The following LHFPL2 variants were observed in gnomAD, a reference collection of about 807,000 sequenced individuals.
LHFPL2 encodes the protein LHFPL tetraspan subfamily member 2 protein.
A neutral mutation model predicts 17.5 loss-of-function variants in LHFPL2; 7 were observed. The ratio of observed to expected loss-of-function variants is 0.40; its 90% confidence interval spans 0.23 to 0.75. The LOEUF is 0.75. Ranked by LOEUF, LHFPL2 falls within the 30% of genes least tolerant of loss-of-function variation. LHFPL2 has a pLI of 0.37. For missense variants in LHFPL2, 241 were observed against 294.8 expected, an observed-to-expected ratio of 0.82 and a Z score of 1.34; for synonymous variants, 134 against 116.2, an observed-to-expected ratio of 1.15 and a Z score of -0.99.
chr5:78,587,128 T>C (rs933600600), intron 2 of LHFPL2, among the ~76,000 whole-genome samples: 4 of 152,202 alleles, frequency 2.6e-5, no homozygotes, highest in African/African-American at 7.2e-5. Context: ...GCCATATGAA[T>C]TGTAGAAAAA....
intron 4 of LHFPL2, among the ~76,000 whole-genome samples, chr5:78,508,724 G>A (rs7727592): frequency 0.68 from 103,468 of 152,056 alleles, 37,256 homozygotes; most frequent in East Asian, 0.92. Context: ...AGAATCCTGT[G>A]CACACAGCTC....
intron 2 of LHFPL2, among the ~76,000 whole-genome samples, chr5:78,629,784 C>G (rs1745177795): frequency 6.6e-6 from 1 of 152,200 alleles, no homozygotes; most frequent in African/African-American, 2.4e-5. Flanking sequence ...AAATGTCAAC[C>G]CTGGACACAA....
chr5:78,541,130 T>C (rs892947201), intron 3 of LHFPL2, among the ~76,000 whole-genome samples: 1 of 152,138 alleles, frequency 6.6e-6, no homozygotes, highest in Non-Finnish European at 1.5e-5. Context: ...TGTATCACCA[T>C]TGAGTCAGCA....
chr5:78,538,761 G>C (rs959397592), intron 3 of LHFPL2, among the ~76,000 whole-genome samples: 8 of 152,170 alleles, frequency 5.3e-5, no homozygotes, highest in Non-Finnish European at 1.2e-4. Context: ...ATCCCTGTGT[G>C]GGGACAGGAG....
chr5:78,529,642 C>A (rs1183060804), intron 3 of LHFPL2, among the ~76,000 whole-genome samples: 75 of 136,724 alleles, frequency 5.5e-4, no homozygotes, highest in Admixed American at 4.5e-4. Flanking sequence ...GACTCCGTCT[C>A]AAAAAAAAAA....
In LHFPL2 at chr5:78,589,266, C is replaced by T. The variant is rs559868629; in HGVS notation, c.-244-24395G>A. The stretch of plus-strand genomic sequence containing the variant: ...CAGGTGGATCACGAGGTCAGGAGAT[C>T]GAGACCATCCTGGCTAACACAGTGA... On this transcript the variant is annotated intron_variant, in intron 2 of 4. Transcript: ENST00000380345. Among the ~76,000 whole-genome samples the T allele has an allele frequency of 3.6e-4, 54 of 152,110 alleles. 1 individual carries two copies. In the South Asian group the frequency reaches 0.011, roughly 32 times the overall value.
At position 78,648,231 on chromosome 5, in the gene LHFPL2, T is replaced by C. The variant is rs888801494; in HGVS notation, c.-350+268A>G. The stretch of plus-strand genomic sequence containing the variant: ...GGAGACGCTGTTCCCGGCACAACTT[T>C]TTTCCACTTCTGCGGCCGCCGGCGG... On this transcript the variant is annotated intron_variant, in intron 1 of 4. Coordinates refer to ENST00000380345, the MANE Select transcript of LHFPL2 (RefSeq NM_005779.3). The surrounding 1 kb of genome is among the most constrained non-coding windows in gnomAD (Gnocchi z 5.4). Among the ~76,000 whole-genome samples the C allele has an allele frequency of 1.3e-5, 2 of 152,028 alleles. No homozygotes were observed. The highest frequency in any genetic ancestry group is 2.9e-5 in the Non-Finnish European group (2 of 67,968).
intron 3 of LHFPL2, among the ~76,000 whole-genome samples, chr5:78,564,134 TA>T (rs1756799886): frequency 6.6e-6 from 1 of 152,136 alleles, no homozygotes; most frequent in South Asian, 2.1e-4. Context: ...CTCCAGTTTA[TA>T]ATAAGACCTG....
chr5:78,645,249 GT>G (rs1204147962), intron 1 of LHFPL2, among the ~76,000 whole-genome samples: 398 of 145,674 alleles, frequency 2.7e-3, no homozygotes, highest in African/African-American at 7.6e-3. Flanking sequence ...AGGTGTATGG[GT>G]TTTTTTTTTT....
chr5:78,534,631 T>C (rs1237709521), intron 3 of LHFPL2, among the ~76,000 whole-genome samples: 3 of 152,196 alleles, frequency 2.0e-5, no homozygotes, highest in South Asian at 2.1e-4. Flanking sequence ...CTCCTTCCCA[T>C]GTCACTGAAG....
At chr5:78,622,674 C>G (rs1244878513) in intron 2 of LHFPL2, among the ~76,000 whole-genome samples, 1 of 152,188 alleles carries the variant, frequency 6.6e-6, no homozygotes, top group African/African-American at 2.4e-5. Context: ...ACAAGTCTCT[C>G]TAATGTTTCT....
At position 78,509,836 on chromosome 5, in the gene LHFPL2, G is replaced by A. The variant is rs781040969; in HGVS notation, c.378C>T (p.Ser126=). The A allele has an allele frequency of 1.2e-6, 2 of 1,614,140 alleles. No individual in the cohort carries two copies. Among genetic ancestry groups the A allele is most frequent in the Non-Finnish European group, 1.7e-6 (2 of 1,180,032 alleles). ...CATTGAAGATGCTTTTCTTCATGAT[G>A]CTCTGTACACACATGGTGAAGACGG... ...LVSVFTMCVQ[S]IMKKSIFNVC... is the part of the protein sequence containing the mutation. Residue 126 remains serine, a synonymous_variant, in exon 4 of 5, where the codon AGC becomes AGT. Transcript: ENST00000380345.
intron 1 of LHFPL2, among the ~76,000 whole-genome samples, chr5:78,635,375 C>T (rs1172083187): frequency 6.6e-6 from 1 of 152,224 alleles, no homozygotes; most frequent in Non-Finnish European, 1.5e-5. Context: ...CCAACACTCC[C>T]ACCGCCCCCT....
At chr5:78,623,914 C>A (rs1744946037) in intron 2 of LHFPL2, among the ~76,000 whole-genome samples, 1 of 152,164 alleles carries the variant, frequency 6.6e-6, no homozygotes. Flanking sequence ...CAAAAAACAG[C>A]CCCCATGAGA....
At chr5:78,522,661 A>C (rs1755492430) in intron 3 of LHFPL2, among the ~76,000 whole-genome samples, 1 of 152,126 alleles carries the variant, frequency 6.6e-6, no homozygotes, top group Non-Finnish European at 1.5e-5. Context: ...AGTACTGGAC[A>C]ATGGGGGTGG....
At chr5:78,559,353 C>T (rs958017262) in intron 3 of LHFPL2, among the ~76,000 whole-genome samples, 10 of 152,208 alleles carry the variant, frequency 6.6e-5, no homozygotes, top group Admixed American at 2.6e-4. Context: ...TAATGTCAGA[C>T]ATTGCACTGG....
chr5:78,540,763 G>A (rs1199306387), intron 3 of LHFPL2, among the ~76,000 whole-genome samples: 1 of 152,218 alleles, frequency 6.6e-6, no homozygotes, highest in Non-Finnish European at 1.5e-5. Flanking sequence ...CCTCCTTGGG[G>A]CAGACAATGG....
intron 2 of LHFPL2, among the ~76,000 whole-genome samples, chr5:78,579,817 T>C (rs1743031262): frequency 6.6e-6 from 1 of 152,110 alleles, no homozygotes; most frequent in Admixed American, 6.5e-5. Context: ...TGTGCATGTG[T>C]CTTTATAGCA....
chr5:78,617,035 T>C (rs1218287938), intron 2 of LHFPL2, among the ~76,000 whole-genome samples: 1 of 152,102 alleles, frequency 6.6e-6, no homozygotes, highest in African/African-American at 2.4e-5. Context: ...CTTTTTTTTT[T>C]CTTTTTTTTT....
Sources: allele counts gnomAD v4.1 joint callset (sites outside exome capture counted in the v4.1 genomes callset), GRCh38; gene constraint gnomAD v4.1.1; non-coding constraint Gnocchi (gnomAD v3.1); transcripts MANE v1.5; gene names NCBI Gene and HGNC (gene_info 2026-07-23, HGNC 2026-07-21).